FRAS1: variants seen among roughly 807,000 people sequenced by gnomAD.
FRAS1 encodes Fraser extracellular matrix complex subunit 1.
In FRAS1, 290 loss-of-function variants were observed where a neutral mutation model predicts 435.2. The observed-to-expected ratio is 0.67, with a 90% CI of 0.61 to 0.73. FRAS1 has a LOEUF of 0.73. FRAS1 is among the 30% of genes least tolerant of loss of function. FRAS1 has a pLI of 0.00. For missense variants in FRAS1, 4,860 were observed against 5,001.5 expected, an observed-to-expected ratio of 0.97 and a Z score of 0.85; for synonymous variants, 1,800 against 1,851.0, an observed-to-expected ratio of 0.97 and a Z score of 0.71.
chr4:78,389,336 T>C (rs1174918893), intron 29 of FRAS1, among the ~76,000 whole-genome samples: 1 of 152,244 alleles, frequency 6.6e-6, no homozygotes, highest in Non-Finnish European at 1.5e-5. Flanking sequence ...GAGGACAGTT[T>C]AAAACCACTT....
In FRAS1 at chr4:78,441,228, C is replaced by T; in HGVS notation, c.5596C>T (p.Leu1866Phe). Residue 1866 changes from leucine (L) to phenylalanine (F), a missense_variant, in exon 41 of 74, where the codon CTC becomes TTC. Physicochemically the swap from Leu to Phe is conservative, Grantham distance 22. Coordinates refer to ENST00000512123, the MANE Select transcript of FRAS1 (RefSeq NM_025074.7). ...TTTTGCTACTGATGATGATGACAAC[C>T]TCCAGAGAGATGCCATCATTAAACT... The part of the protein sequence containing the change: ...HFFATDDDDN[L>F]QRDAIIKLSA... 1.2e-6 allele frequency: 2 copies of T among 1,613,386 alleles called. No homozygotes were observed. Among genetic ancestry groups the T allele is most frequent in the Non-Finnish European group, 1.7e-6 (2 of 1,179,400 alleles).
At chr4:78,258,648 A>T (rs1725914144) in intron 6 of FRAS1, among the ~76,000 whole-genome samples, 5 of 136,686 alleles carry the variant, frequency 3.7e-5, no homozygotes, top group Non-Finnish European at 6.4e-5. Flanking sequence ...GATATTCTTT[A>T]AATTTTTATT....
At chr4:78,287,384 G>A (rs1727663393) in intron 14 of FRAS1, among the ~76,000 whole-genome samples, 1 of 152,154 alleles carries the variant, frequency 6.6e-6, no homozygotes, top group South Asian at 2.1e-4. Flanking sequence ...AAAGACAAGG[G>A]ACAGAGATAT....
intron 17 of FRAS1, among the ~76,000 whole-genome samples, chr4:78,318,273 T>C (rs1161650793): frequency 6.6e-6 from 1 of 152,234 alleles, no homozygotes; most frequent in African/African-American, 2.4e-5. Context: ...GCTTTGCTTT[T>C]CACCAGTAGC....
intron 2 of FRAS1, among the ~76,000 whole-genome samples, chr4:78,186,944 T>C (rs901750671): frequency 6.6e-6 from 1 of 152,244 alleles, no homozygotes; most frequent in Non-Finnish European, 1.5e-5. Context: ...TCCAAATCTT[T>C]GAGCCTAAAA....
chr4:78,084,751 G>A lies in FRAS1; in HGVS notation c.108+18735G>A, dbSNP rs971878842. Among the ~76,000 whole-genome samples the A allele has an allele frequency of 2.0e-5, 3 of 152,214 alleles. No individual in the cohort carries two copies. The South Asian group carries it at 6.2e-4, about 32-fold the overall frequency. On this transcript the variant is annotated intron_variant, in intron 2 of 73. Transcript: ENST00000512123. Reference sequence around the variant, plus strand: ...TTTCAATGAGCTCTGGTTCCTGGAAGTAGGGAATGGTATTTGGAGACCAAA... The same window carrying A: ...TTTCAATGAGCTCTGGTTCCTGGAAATAGGGAATGGTATTTGGAGACCAAA...
At chr4:78,112,513 C>T (rs1004838079) in intron 2 of FRAS1, among the ~76,000 whole-genome samples, 1 of 151,920 alleles carries the variant, frequency 6.6e-6, no homozygotes, top group Admixed American at 6.6e-5. Context: ...AAAACATTAA[C>T]GTGCAACACA....
At chr4:78,265,198 C>T (rs1290455115) in intron 7 of FRAS1, 90 bp downstream of exon 7, 10 of 727,988 alleles carry the variant, frequency 1.4e-5, no homozygotes, top group Non-Finnish European at 2.3e-5. Context: ...AGTCACCACC[C>T]TCATGTCTGA....
chr4:78,284,208 T>C (rs1560626358), intron 12 of FRAS1, among the ~76,000 whole-genome samples, 197 bp from the exon 13 acceptor site: 2 of 149,276 alleles, frequency 1.3e-5, no homozygotes, highest in Non-Finnish European at 3.0e-5. Flanking sequence ...AAAACTTCCT[T>C]GCAATCTTGC....
Position 78,539,505 on chromosome 4 carries a change from A to G in FRAS1, c.11445+65A>G, listed in dbSNP as rs1243006918. ...TACTTTAAAGCTTGAAAAAAAAAAA[A>G]AAAAGAAGGAGGACTGCAACATCTC... On this transcript the variant is annotated intron_variant, in intron 73 of 73. Coordinates refer to ENST00000512123, the MANE Select transcript of FRAS1 (RefSeq NM_025074.7). The G allele has an allele frequency of 4.4e-6, 6 of 1,376,080 alleles. No individual in the cohort carries two copies. In the East Asian group the frequency reaches 1.2e-4, roughly 27 times the overall value. The allele number at this position is 1,376,080 out of a possible 1,614,324, so 85.2% of individuals were successfully genotyped here.
At chr4:78,445,029 C>G (rs1718754263) in intron 41 of FRAS1, among the ~76,000 whole-genome samples, 1 of 152,208 alleles carries the variant, frequency 6.6e-6, no homozygotes, top group Non-Finnish European at 1.5e-5. Context: ...AAAAGATACA[C>G]AGTTAACACT....
Position 78,284,447 on chromosome 4 carries a change from A to G in FRAS1, c.1298A>G (p.Asp433Gly), listed in dbSNP as rs1474872641. Residue 433 changes from aspartate to glycine, a missense_variant, in exon 13 of 74, where the codon GAC (aspartate) becomes GGC (glycine). Physicochemically the swap from Asp to Gly is moderately conservative, Grantham distance 94. Transcript: ENST00000512123. ...PDCLTCSQSP[D>G]HCDLCQDPTK... The stretch of plus-strand genomic sequence containing the variant: ...TGTTTGACATGCTCTCAGTCTCCAG[A>G]CCACTGTGACCTCTGCCAAGATCCT... 1.2e-6 allele frequency: 2 copies of G among 1,613,668 alleles called. No homozygotes were observed. The highest frequency in any genetic ancestry group is 1.7e-6 in the Non-Finnish European group (2 of 1,179,838).
rs546271366 is a variant in FRAS1 at position 78,365,218 on chromosome 4, A to T, written c.2722+1164A>T. 2.0e-5 allele frequency among the ~76,000 whole-genome samples: 3 copies of T among 152,226 alleles called. No individual in the cohort carries two copies. In the East Asian group the frequency reaches 5.8e-4, roughly 29 times the overall value. ...CCTTGCAAAGATTTGCATTAGTTAT[A>T]TGAAACTCACCCTTTTGCATCATCT... is the stretch of plus-strand genomic sequence containing the variant. On this transcript the variant is annotated intron_variant, in intron 22 of 73. Coordinates refer to ENST00000512123, the MANE Select transcript of FRAS1 (RefSeq NM_025074.7).
chr4:78,148,326 A>G (rs920572036), intron 2 of FRAS1, among the ~76,000 whole-genome samples: 1 of 152,176 alleles, frequency 6.6e-6, no homozygotes, highest in African/African-American at 2.4e-5. Context: ...AGATCACAGA[A>G]GTATTAACTA....
rs1411385636 is a variant in FRAS1, at chr4:78,237,529, C to A, written c.128C>A (p.Pro43His). 5 of 1,612,950 alleles carry A rather than the reference C, an allele frequency of 3.1e-6. No individual in the cohort carries two copies. In the African/African-American group the frequency reaches 5.3e-5, roughly 17 times the overall value. Residue 43 changes from proline (P) to histidine (H), a missense_variant, in exon 3 of 74, where the codon CCC becomes CAC. Physicochemically the swap from Pro to His is moderately conservative, Grantham distance 77. Transcript: ENST00000512123. ...TTACAGGATGCCACAATTTGGAAGC[C>A]CGATTCATGCCAGAGCTGCCGTTGC... ...SLLADATIWKPDSCQSCRCHG... is the reference protein window; with the variant it reads ...SLLADATIWKHDSCQSCRCHG...
chr4:78,263,979 C>CT (rs1726234272), intron 6 of FRAS1, among the ~76,000 whole-genome samples: 1 of 152,114 alleles, frequency 6.6e-6, no homozygotes, highest in African/African-American at 2.4e-5. Context: ...CCTTCTTGTT[C>CT]TTGCAGCATG....
chr4:78,466,378 C>T lies in FRAS1; in HGVS notation c.7200C>T (p.Thr2400=). The T allele has an allele frequency of 6.2e-7, 1 of 1,613,972 alleles. No individual in the cohort carries two copies. Residue 2400 remains threonine, a synonymous_variant, in exon 50 of 74, where the codon ACC becomes ACT. Coordinates refer to ENST00000512123, the MANE Select transcript of FRAS1 (RefSeq NM_025074.7). ...DGSNSLKDRF[T]FTVSDGTNPF... is the part of the protein sequence containing the mutation. ...GTAACTCCCTCAAGGACCGGTTCACCTTCACTGTTTCTGATGGGACAAACC... is the reference window on the plus strand; with the variant it reads ...GTAACTCCCTCAAGGACCGGTTCACTTTCACTGTTTCTGATGGGACAAACC...
At chr4:78,257,606 G>T (rs1578210502) in intron 6 of FRAS1, among the ~76,000 whole-genome samples, 1 of 152,078 alleles carries the variant, frequency 6.6e-6, no homozygotes, top group African/African-American at 2.4e-5. Context: ...GTTTGGCAAG[G>T]GTGGACAAGC....
Position 78,284,385 on chromosome 4 carries a change from T to G in FRAS1, c.1256-20T>G, listed in dbSNP as rs1381835155. The G allele has an allele frequency of 6.2e-7, 1 of 1,613,630 alleles. No individual in the cohort carries two copies. The highest frequency in any genetic ancestry group is 2.2e-5 in the East Asian group (1 of 44,870). ...AGATGGAGTTCACAGAGTTCTCCCC[T>G]TCTTTGTCCTTGATTTCAGTTCATT... On this transcript the variant is annotated intron_variant, in intron 12 of 73. Coordinates refer to ENST00000512123, the MANE Select transcript of FRAS1 (RefSeq NM_025074.7).
Sources: allele counts gnomAD v4.1 joint callset (sites outside exome capture counted in the v4.1 genomes callset), GRCh38; gene constraint gnomAD v4.1.1; transcripts MANE v1.5; gene names NCBI Gene and HGNC (gene_info 2026-07-23, HGNC 2026-07-21).